Variants in SLC31A1 observed in about 807,000 individuals in gnomAD.
The protein encoded by SLC31A1 is high affinity copper uptake protein 1.
SLC31A1 carries 5 observed loss-of-function variants against 17.2 expected under a neutral mutation model. The observed-to-expected ratio is 0.29, with a 90% CI of 0.15 to 0.61. The LOEUF is 0.61. Ranked by LOEUF, SLC31A1 falls within the 20% of genes least tolerant of loss-of-function variation. The probability of loss-of-function intolerance (pLI) is 0.86; values close to 1 mark genes in which losing one functional copy is unlikely to be tolerated. For synonymous variants in SLC31A1, 76 were observed against 78.8 expected (o/e 0.96, Z 0.19); for missense variants, 161 against 241.4 (o/e 0.67, Z 2.21).
chr9:113,235,359 A>G (rs1489000976), intron 1 of SLC31A1, among the ~76,000 whole-genome samples: 1 of 152,228 alleles, frequency 6.6e-6, no homozygotes, highest in Non-Finnish European at 1.5e-5. Flanking sequence ...TGGGGAGGGA[A>G]AGTATTTGCA....
chr9:113,223,327 T>TA lies in SLC31A1; in HGVS notation c.-36+1664dup, dbSNP rs5900047. On this transcript the variant is annotated intron_variant, in intron 1 of 4. Coordinates refer to ENST00000374212, the MANE Select transcript of SLC31A1 (RefSeq NM_001859.4). Reference sequence around the variant, plus strand: ...TTTGAACTGCAGGACTGGGTGCACCTAAAAAAAAAAAAAAAGAAAGCCACT... The same window carrying TA: ...TTTGAACTGCAGGACTGGGTGCACCTAAAAAAAAAAAAAAAAGAAAGCCACT... 2,981 of 315,998 alleles carry TA rather than the reference T, an allele frequency of 9.4e-3. 1 individual carries two copies. Among genetic ancestry groups the TA allele is most frequent in the South Asian group, 0.013 (542 of 40,654 alleles). 19.6% of individuals were successfully genotyped at this position (315,998 alleles called of 1,614,324 possible). A position where few individuals can be genotyped will look rare whatever the true frequency, so the allele number is the denominator to read the frequency against.
chr9:113,224,080 G>T (rs1179036472), intron 1 of SLC31A1, among the ~76,000 whole-genome samples: 1 of 152,170 alleles, frequency 6.6e-6, no homozygotes, highest in Non-Finnish European at 1.5e-5. Flanking sequence ...GTAGGACCCT[G>T]TTGCCTGTTT....
At chr9:113,253,958 C>CGTTTTTTTT (rs1831691046) in intron 1 of SLC31A1, among the ~76,000 whole-genome samples, 1 of 110,418 alleles carries the variant, frequency 9.1e-6, no homozygotes, top group Non-Finnish European at 1.8e-5. Flanking sequence ...TACCCACAGT[C>CGTTTTTTTT]TTTTTTTTTT....
intron 1 of SLC31A1, among the ~76,000 whole-genome samples, chr9:113,251,297 C>T (rs112047411): frequency 6.6e-6 from 1 of 152,082 alleles, no homozygotes; most frequent in Admixed American, 6.6e-5. Context: ...TGGCACATGC[C>T]TGTAATCCCA....
At chr9:113,222,291 G>A (rs1424325132) in intron 1 of SLC31A1, among the ~76,000 whole-genome samples, 3 of 152,136 alleles carry the variant, frequency 2.0e-5, no homozygotes, top group Non-Finnish European at 4.4e-5. Context: ...ATGGAAAGGA[G>A]GATACTTTGG....
intron 1 of SLC31A1, among the ~76,000 whole-genome samples, chr9:113,249,694 T>C (rs1831624320): frequency 6.6e-6 from 1 of 152,126 alleles, no homozygotes; most frequent in Non-Finnish European, 1.5e-5. Flanking sequence ...CTACCCTAGT[T>C]ATAAGCTCAA....
intron 1 of SLC31A1, among the ~76,000 whole-genome samples, chr9:113,234,830 G>A (rs1265680989): frequency 6.6e-6 from 1 of 152,130 alleles, no homozygotes; most frequent in Non-Finnish European, 1.5e-5. Flanking sequence ...TAACATGGCA[G>A]TCTCTTCAAT....
chr9:113,260,456 A>T lies in SLC31A1; in HGVS notation c.556A>T (p.Thr186Ser), dbSNP rs1308827892. ...SWKKAVVVDI[T>S]EHCH ...GAAGAAGGCAGTGGTAGTGGATATC[A>T]CAGAGCATTGCCATTGACATCAAAC... Residue 186 changes from threonine to serine, a missense_variant, in exon 5 of 5, where the codon ACA becomes TCA. By Grantham distance (58) the Thr-to-Ser change is moderately conservative. Coordinates refer to ENST00000374212, the MANE Select transcript of SLC31A1 (RefSeq NM_001859.4). 6.2e-7 allele frequency: 1 copy of T among 1,613,820 alleles called. No individual in the cohort carries two copies. Among genetic ancestry groups the T allele is most frequent in the African/African-American group, 1.3e-5 (1 of 75,040 alleles).
Position 113,258,833 on chromosome 9 carries a change from C to T in SLC31A1, c.342C>T (p.Thr114=), listed in dbSNP as rs142161216. 30 of 1,614,218 alleles carry T rather than the reference C, an allele frequency of 1.9e-5. No homozygotes were observed. In the East Asian group the frequency reaches 6.7e-4, roughly 36 times the overall value. ...TGCCTGTCCCAGGACCAAATGGAAC[C>T]ATCCTTATGGAGACACACAAAACTG... The part of the protein sequence containing the change: ...NSMPVPGPNG[T]ILMETHKTVG... Residue 114 remains threonine, a synonymous_variant, in exon 4 of 5, where the codon ACC becomes ACT. Coordinates refer to ENST00000374212, the MANE Select transcript of SLC31A1 (RefSeq NM_001859.4). The surrounding 1 kb of genome is among the most constrained non-coding windows in gnomAD (Gnocchi z 4.8).
intron 1 of SLC31A1, among the ~76,000 whole-genome samples, chr9:113,225,714 C>T (rs1831332571): frequency 6.6e-6 from 1 of 152,184 alleles, no homozygotes; most frequent in Non-Finnish European, 1.5e-5. Context: ...CTAAGTCTTT[C>T]TCTACCTCTT....
rs969431830 is a variant in SLC31A1 at position 113,262,472 on chromosome 9, A to G, written c.*1999A>G. 6.6e-6 allele frequency: 1 copy of G among 152,456 alleles called. No homozygotes were observed. The highest frequency in any genetic ancestry group is 2.4e-5 in the African/African-American group (1 of 41,384). 9.4% of individuals were successfully genotyped at this position (152,456 alleles called of 1,614,324 possible). ...AGGGCAGAGGAAACAAAACACAGCT[A>G]TCCTGTTGGCCTGTGTTGTGGTTTT... On this transcript the variant is annotated 3_prime_UTR_variant, in exon 5 of 5. Transcript: ENST00000374212.
At chr9:113,239,043 A>G (rs1157204921) in intron 1 of SLC31A1, among the ~76,000 whole-genome samples, 1 of 152,214 alleles carries the variant, frequency 6.6e-6, no homozygotes, top group Non-Finnish European at 1.5e-5. Flanking sequence ...AAATCTGGAC[A>G]CGATCCCTGT....
chr9:113,234,480 ATTTTTT>A (rs869088669), intron 1 of SLC31A1, among the ~76,000 whole-genome samples: 2 of 60,248 alleles, frequency 3.3e-5, no homozygotes, highest in South Asian at 6.3e-4. Flanking sequence ...CCTGGCCATC[ATTTTTT>A]TTTTTTTTTT....
At chr9:113,247,041 C>T (rs1053589040) in intron 1 of SLC31A1, among the ~76,000 whole-genome samples, 1 of 152,198 alleles carries the variant, frequency 6.6e-6, no homozygotes, top group Non-Finnish European at 1.5e-5. Flanking sequence ...AGGCAAGATT[C>T]GCCCAGTTAA....
rs41280219 is a variant in SLC31A1 at position 113,221,620 on chromosome 9, G to T, written c.-94G>T. 7.9e-6 allele frequency: 3 copies of T among 378,342 alleles called. No individual in the cohort carries two copies. Among genetic ancestry groups the T allele is most frequent in the Non-Finnish European group, 1.5e-5 (3 of 196,826 alleles). The allele number at this position is 378,342 out of a possible 1,614,324, so 23.4% of individuals were successfully genotyped here. ...GAGGGGCCGTTCGAAGAGTCGTGAG[G>T]GGGTGACGGGTTAAGATTCGGAGAG... is the stretch of plus-strand genomic sequence containing the variant. On this transcript the variant is annotated 5_prime_UTR_variant, in exon 1 of 5. Transcript: ENST00000374212.
intron 1 of SLC31A1, among the ~76,000 whole-genome samples, chr9:113,240,824 C>G (rs1330685571): frequency 1.3e-5 from 2 of 151,912 alleles, no homozygotes; most frequent in African/African-American, 4.8e-5. Context: ...CCGAGGCAGG[C>G]AAATCACTTG....
At chr9:113,232,040 G>A (rs2118987599) in intron 1 of SLC31A1, among the ~76,000 whole-genome samples, 1 of 152,262 alleles carries the variant, frequency 6.6e-6, no homozygotes, top group Middle Eastern at 3.4e-3. Context: ...ATTGCTGCTG[G>A]GTAGTTGAAA....
intron 1 of SLC31A1, among the ~76,000 whole-genome samples, chr9:113,251,133 GT>G (rs1453306208): frequency 6.6e-6 from 1 of 152,148 alleles, no homozygotes; most frequent in African/African-American, 2.4e-5. Context: ...CAAATAATTT[GT>G]AAATTTGGCC....
chr9:113,249,244 C>A (rs927108897), intron 1 of SLC31A1, among the ~76,000 whole-genome samples: 1 of 149,116 alleles, frequency 6.7e-6, no homozygotes, highest in Admixed American at 6.7e-5. Flanking sequence ...AGATGATTCT[C>A]CAGTATTGAA....
Sources: gnomAD v4.1 joint callset for allele counts (sites outside exome capture counted in the v4.1 genomes callset) on GRCh38, gnomAD v4.1.1 for gene constraint, Gnocchi (gnomAD v3.1) non-coding constraint, MANE v1.5 for transcripts, NCBI Gene and HGNC (gene_info 2026-07-23, HGNC 2026-07-21) for gene names.